The following RAB31 variants were observed in gnomAD, a reference collection of about 807,000 sequenced individuals.
The protein encoded by RAB31 is RAB31, member RAS oncogene family, also known as ras-related protein Rab-31.
A neutral mutation model predicts 25.6 loss-of-function variants in RAB31; 21 were observed. The observed-to-expected ratio is 0.82, with a 90% CI of 0.58 to 1.18. The LOEUF is 1.18. RAB31 is among the 50% of genes most tolerant of loss of function. The probability of loss-of-function intolerance (pLI) is 0.00; values close to 1 mark genes in which losing one functional copy is unlikely to be tolerated. For missense variants in RAB31, 196 were observed against 250.1 expected, an observed-to-expected ratio of 0.78 and a Z score of 1.46; for synonymous variants, 87 against 84.0, an observed-to-expected ratio of 1.04 and a Z score of -0.20.
chr18:9,786,466 C>T (rs1443498920), intron 2 of RAB31, among the ~76,000 whole-genome samples: 1 of 152,370 alleles, frequency 6.6e-6, no homozygotes, highest in East Asian at 1.9e-4. Flanking sequence ...CAACCTGAAG[C>T]CTGTCGATCA....
intron 1 of RAB31, among the ~76,000 whole-genome samples, chr18:9,733,348 A>G (rs902295150): frequency 5.9e-5 from 9 of 152,120 alleles, no homozygotes; most frequent in Non-Finnish European, 8.8e-5. Flanking sequence ...ACGTGTGCAG[A>G]TGTGGCATAT....
intron 2 of RAB31, among the ~76,000 whole-genome samples, chr18:9,789,930 G>C (rs531214289): frequency 1.3e-5 from 2 of 152,302 alleles, no homozygotes; most frequent in African/African-American, 4.8e-5. Flanking sequence ...TGTGGGGATA[G>C]TGTGGGAATT....
intron 5 of RAB31, among the ~76,000 whole-genome samples, chr18:9,817,561 G>T (rs963294364): frequency 6.6e-6 from 1 of 152,160 alleles, no homozygotes; most frequent in Admixed American, 6.5e-5. Flanking sequence ...GTGTGGCCAA[G>T]AGGGGATTGG....
chr18:9,803,173 C>T (rs756946161), intron 3 of RAB31, among the ~76,000 whole-genome samples: 24 of 151,982 alleles, frequency 1.6e-4, no homozygotes, highest in African/African-American at 3.6e-4. Flanking sequence ...AGAGTACATG[C>T]GAGTTTTTGC....
intron 3 of RAB31, among the ~76,000 whole-genome samples, chr18:9,799,325 C>G (rs191919591): frequency 6.6e-6 from 1 of 152,304 alleles, no homozygotes; most frequent in Non-Finnish European, 1.5e-5. Flanking sequence ...CCAAGTTCTG[C>G]CTAACATACA....
At chr18:9,798,690 C>T (rs1014592190) in intron 3 of RAB31, among the ~76,000 whole-genome samples, 2 of 151,846 alleles carry the variant, frequency 1.3e-5, no homozygotes, top group Admixed American at 1.3e-4. Context: ...GCAATCATAG[C>T]TCACTGCAAC....
At chr18:9,800,226 A>G (rs115866846) in intron 3 of RAB31, among the ~76,000 whole-genome samples, 1 of 152,184 alleles carries the variant, frequency 6.6e-6, no homozygotes, top group Non-Finnish European at 1.5e-5. Flanking sequence ...TGGGGATAAT[A>G]CTTTCATCTG....
intron 3 of RAB31, among the ~76,000 whole-genome samples, chr18:9,812,478 A>G (rs925674139): frequency 3.3e-5 from 5 of 152,182 alleles, no homozygotes; most frequent in Non-Finnish European, 7.3e-5. Context: ...AACCCACACC[A>G]ACACTGAACA....
intron 6 of RAB31, among the ~76,000 whole-genome samples, chr18:9,850,031 G>A (rs1475016381): frequency 6.6e-6 from 1 of 152,250 alleles, no homozygotes; most frequent in Non-Finnish European, 1.5e-5. Context: ...GCATGCGATT[G>A]TAATAATCCA....
intron 5 of RAB31, among the ~76,000 whole-genome samples, chr18:9,834,367 C>T (rs556011397): frequency 2.1e-4 from 32 of 152,290 alleles, no homozygotes; most frequent in South Asian, 1.5e-3. Flanking sequence ...CCACCCTCCT[C>T]GGCCTCCCAA....
intron 5 of RAB31, among the ~76,000 whole-genome samples, chr18:9,822,005 C>T (rs995258706): frequency 3.3e-5 from 5 of 151,984 alleles, no homozygotes; most frequent in East Asian, 1.9e-4. Flanking sequence ...ATAGCTAAAA[C>T]GATATTGACA....
rs1291917141 is a variant in RAB31, at chr18:9,860,656, G to A, written c.*1331G>A. ...CCTGCCAGGGCTTATATTAGGGGGT[G>A]ATTCTTAAAGGACATTAGGATTGGT... On this transcript the variant is annotated 3_prime_UTR_variant, in exon 7 of 7. Transcript: ENST00000578921. The A allele has an allele frequency of 2.7e-5, 4 of 150,902 alleles. No homozygotes were observed. The highest frequency in any genetic ancestry group is 9.8e-5 in the African/African-American group (4 of 40,912). 9.3% of individuals were successfully genotyped at this position (150,902 alleles called of 1,614,324 possible).
intron 1 of RAB31, among the ~76,000 whole-genome samples, chr18:9,772,969 A>G (rs557395618): frequency 6.6e-6 from 1 of 152,350 alleles, no homozygotes; most frequent in Non-Finnish European, 1.5e-5. Context: ...GGTGCAGCTC[A>G]GAAATAGCAG....
chr18:9,799,649 C>T (rs1304153621), intron 3 of RAB31, among the ~76,000 whole-genome samples: 4 of 152,142 alleles, frequency 2.6e-5, no homozygotes, highest in Admixed American at 2.6e-4. Context: ...GGTGCGCCAC[C>T]GTGCCCAGCC....
intron 1 of RAB31, among the ~76,000 whole-genome samples, chr18:9,753,535 A>G (rs1388355849): frequency 6.6e-6 from 1 of 152,200 alleles, no homozygotes; most frequent in Non-Finnish European, 1.5e-5. Context: ...ACTTTTCTTT[A>G]TAAATTACTC....
In RAB31 at chr18:9,792,162, T is replaced by A; in HGVS notation, c.128T>A (p.Phe43Tyr). The A allele has an allele frequency of 2.5e-6, 4 of 1,610,700 alleles. No homozygotes were observed. Among genetic ancestry groups the A allele is most frequent in the Non-Finnish European group, 3.4e-6 (4 of 1,178,312 alleles). Reference sequence around the variant, plus strand: ...TGACTCTCTTTTTTCAGGGCATCTTTTATGACCAAAACTGTGCCTTGTGGA... The same window carrying A: ...TGACTCTCTTTTTTCAGGGCATCTTATATGACCAAAACTGTGCCTTGTGGA... ...HNISPTIGAS[F>Y]MTKTVPCGNE... The change falls in exon 3 of 7, where the codon TTT becomes TAT. Residue 43 changes from phenylalanine to tyrosine, a missense_variant. By Grantham distance (22) the Phe-to-Tyr change is conservative. Transcript: ENST00000578921.
intron 5 of RAB31, chr18:9,844,753 C>T (rs534195113): frequency 1.3e-5 from 2 of 152,252 alleles, no homozygotes; most frequent in South Asian, 2.1e-4. Flanking sequence ...GTGGTATGGC[C>T]GTAGACCCCA....
At chr18:9,818,408 GTAC>G (rs2068609875) in intron 5 of RAB31, among the ~76,000 whole-genome samples, 1 of 152,098 alleles carries the variant, frequency 6.6e-6, no homozygotes, top group African/African-American at 2.4e-5. Flanking sequence ...AATCACTAAT[GTAC>G]CTTTTTTTCC....
At chr18:9,742,925 A>C (rs1028202065) in intron 1 of RAB31, among the ~76,000 whole-genome samples, 1 of 152,314 alleles carries the variant, frequency 6.6e-6, no homozygotes, top group East Asian at 1.9e-4. Context: ...AGTCCACTAA[A>C]GCACGAATGT....
Sources: gnomAD v4.1 joint callset for allele counts (sites outside exome capture counted in the v4.1 genomes callset) on GRCh38, gnomAD v4.1.1 for gene constraint, MANE v1.5 for transcripts, NCBI Gene and HGNC (gene_info 2026-07-23, HGNC 2026-07-21) for gene names.